Variants in WASL observed in about 807,000 individuals in gnomAD.
The protein encoded by WASL is WASP like actin nucleation promoting factor.
A neutral mutation model predicts 55.5 loss-of-function variants in WASL; 20 were observed. That is an observed-to-expected ratio of 0.36 (90% CI 0.25 to 0.52). The LOEUF (loss-of-function observed/expected upper bound fraction) is 0.52. Among genes scored for constraint, WASL ranks in the 20% least tolerant of loss-of-function variants. The pLI is 0.92. For synonymous variants in WASL, 249 were observed against 217.6 expected, an observed-to-expected ratio of 1.14 and a Z score of -1.27; for missense variants, 504 against 622.5, an observed-to-expected ratio of 0.81 and a Z score of 2.03.
intron 9 of WASL, 127 bp from the exon 10 acceptor site, chr7:123,689,277 C>G (rs957908965): frequency 1.5e-6 from 1 of 673,898 alleles, no homozygotes; most frequent in Admixed American, 2.7e-5. Context: ...AACTGGCAAG[C>G]GCAGGACAAG....
intron 10 of WASL, among the ~76,000 whole-genome samples, chr7:123,687,423 G>A (rs184637013): frequency 3.3e-5 from 5 of 152,044 alleles, no homozygotes; most frequent in East Asian, 1.9e-4. Flanking sequence ...TGCAAGCTCC[G>A]TGATCTCCTC....
At chr7:123,696,888 TC>T in intron 5 of WASL, 141 bp from the exon 6 acceptor site, 1 of 636,558 alleles carries the variant, frequency 1.6e-6, no homozygotes, top group Non-Finnish European at 2.2e-6. Flanking sequence ...TACATTTTTT[TC>T]ATAAAGTGCT....
At chr7:123,743,156 G>T (rs902495940) in intron 1 of WASL, among the ~76,000 whole-genome samples, 1 of 152,162 alleles carries the variant, frequency 6.6e-6, no homozygotes, top group African/African-American at 2.4e-5. Flanking sequence ...GGCCAGCATG[G>T]TGAAACCCTG....
At chr7:123,720,716 T>C (rs2116803925) in intron 1 of WASL, among the ~76,000 whole-genome samples, 1 of 149,158 alleles carries the variant, frequency 6.7e-6, no homozygotes, top group Middle Eastern at 3.5e-3. Context: ...AGTGGCACAA[T>C]CTTGGCTCAC....
At position 123,736,160 on chromosome 7, in the gene WASL, A is replaced by G. The variant is rs1211264373; in HGVS notation, c.117+12458T>C. On this transcript the variant is annotated intron_variant, in intron 1 of 10. Coordinates refer to ENST00000223023, the MANE Select transcript of WASL (RefSeq NM_003941.4). ...CAGAAAGAAAAACCTATCAACTTAT[A>G]ATTTTATACCCAGAGAAAATTTCTT... Among the ~76,000 whole-genome samples, 3 of 152,174 alleles carry G rather than the reference A, an allele frequency of 2.0e-5. No individual in the cohort carries two copies. The East Asian group carries it at 5.8e-4, about 29-fold the overall frequency.
intron 1 of WASL, chr7:123,720,403 T>C (rs556354879): frequency 6.9e-6 from 3 of 433,176 alleles, no homozygotes; most frequent in Non-Finnish European, 1.4e-5. Context: ...GATACACTGT[T>C]ATCTGAATAA....
chr7:123,711,945 G>A (rs970554326), intron 1 of WASL, among the ~76,000 whole-genome samples: 1 of 152,146 alleles, frequency 6.6e-6, no homozygotes, highest in Non-Finnish European at 1.5e-5. Context: ...TGATACTTCA[G>A]TACTGAGTAA....
chr7:123,692,889 A>G, intron 8 of WASL, 22 bp from the exon 9 acceptor site: 11 of 1,347,400 alleles, frequency 8.2e-6, no homozygotes, highest in Non-Finnish European at 1.1e-5. Flanking sequence ...ACAGAAAAAA[A>G]GAAGGCATGC....
chr7:123,738,991 A>G (rs938031839), intron 1 of WASL, among the ~76,000 whole-genome samples: 1 of 152,216 alleles, frequency 6.6e-6, no homozygotes, highest in Admixed American at 6.5e-5. Flanking sequence ...AGGTTGGACA[A>G]GCTTGCTCTA....
intron 1 of WASL, among the ~76,000 whole-genome samples, chr7:123,714,986 G>C (rs192614445): frequency 6.6e-6 from 1 of 152,180 alleles, no homozygotes; most frequent in African/African-American, 2.4e-5. Flanking sequence ...TGTGGAGTAG[G>C]AAATAAGAAA....
rs1370599971 is a variant in WASL, at chr7:123,696,722, A to G, written c.486T>C (p.Val162=). The G allele has an allele frequency of 5.6e-6, 9 of 1,595,478 alleles. No individual in the cohort carries two copies. The highest frequency in any genetic ancestry group is 2.3e-5 in the East Asian group (1 of 43,942). Residue 162 remains valine (V), a synonymous_variant, in exon 6 of 11, where the codon GTT becomes GTC. Transcript: ENST00000223023. ...PNGPNLPMAT[V]DIKNPEITTN... ...TTGTGATTTCTGGATTTTTTATATC[A>G]ACTGTAGCCATGGGTAGATTAGGAC...
chr7:123,744,017 A>C (rs1804390356), intron 1 of WASL, among the ~76,000 whole-genome samples: 1 of 152,176 alleles, frequency 6.6e-6, no homozygotes, highest in Non-Finnish European at 1.5e-5. Flanking sequence ...TTTAACTTTT[A>C]TCTTTCCTTA....
At chr7:123,696,434 T>C in intron 6 of WASL, 145 bp downstream of exon 6, 1 of 541,006 alleles carries the variant, frequency 1.8e-6, no homozygotes, top group East Asian at 4.5e-5. Flanking sequence ...AAAACTCCAA[T>C]AAAGTACATA....
intron 1 of WASL, among the ~76,000 whole-genome samples, chr7:123,724,747 G>A (rs1237437441): frequency 6.6e-6 from 1 of 152,158 alleles, no homozygotes; most frequent in Non-Finnish European, 1.5e-5. Context: ...CTGCTAATCT[G>A]TGGTATTGAA....
Position 123,748,956 on chromosome 7 carries a change from G to C in WASL, c.-222C>G, listed in dbSNP as rs984406518. On this transcript the variant is annotated 5_prime_UTR_variant, in exon 1 of 11. Transcript: ENST00000223023. Reference sequence around the variant, plus strand: ...AAAGGGAAGCTCCCGGCACCCGCCCGGCCAGGCTAGGGCCGGATGGTCGTT... The same window carrying C: ...AAAGGGAAGCTCCCGGCACCCGCCCCGCCAGGCTAGGGCCGGATGGTCGTT... 1 of 567,772 alleles carries C rather than the reference G, an allele frequency of 1.8e-6. No homozygotes were observed. Among genetic ancestry groups the C allele is most frequent in the African/African-American group, 2.0e-5 (1 of 50,976 alleles). 35.2% of individuals were successfully genotyped at this position (567,772 alleles called of 1,614,324 possible).
rs1172086102 is a variant in WASL, at chr7:123,733,305, A to C, written c.117+15313T>G. Among the ~76,000 whole-genome samples, 5 of 152,332 alleles carry C rather than the reference A, an allele frequency of 3.3e-5. No individual in the cohort carries two copies. The South Asian group carries it at 1.0e-3, about 32-fold the overall frequency. On this transcript the variant is annotated intron_variant, in intron 1 of 10. Coordinates refer to ENST00000223023, the MANE Select transcript of WASL (RefSeq NM_003941.4). ...CTGGAAACCAATAAGCCTTTATATC[A>C]AGCAAGGTTGTAGCATACAAGGTTA... is the stretch of plus-strand genomic sequence containing the variant.
At position 123,683,704 on chromosome 7, in the gene WASL, A is replaced by ATG. The variant is rs2116759264; in HGVS notation, c.*813_*814dup. On this transcript the variant is annotated 3_prime_UTR_variant, in exon 11 of 11. Transcript: ENST00000223023. ...ATAATATTACCTCAGTTCATGTAGAATGAAAACTACTCCCTAAATCCCTGA... is the reference window on the plus strand; with the variant it reads ...ATAATATTACCTCAGTTCATGTAGAATGTGAAAACTACTCCCTAAATCCCTGA... The ATG allele has an allele frequency of 6.6e-6, 1 of 152,168 alleles. No homozygotes were observed. Among genetic ancestry groups the ATG allele is most frequent in the Admixed American group, 6.6e-5 (1 of 15,252 alleles). The allele number at this position is 152,168 out of a possible 1,614,324, so 9.4% of individuals were successfully genotyped here. A position where few individuals can be genotyped will look rare whatever the true frequency, so the allele number is the denominator to read the frequency against.
chr7:123,741,105 G>A (rs1370440004), intron 1 of WASL, among the ~76,000 whole-genome samples: 4 of 152,104 alleles, frequency 2.6e-5, no homozygotes, highest in Admixed American at 1.3e-4. Context: ...TGCACCCTGC[G>A]ATGGGATGAT....
At chr7:123,711,627 T>C (rs1803759747) in intron 1 of WASL, among the ~76,000 whole-genome samples, 1 of 152,194 alleles carries the variant, frequency 6.6e-6, no homozygotes, top group Non-Finnish European at 1.5e-5. Flanking sequence ...TTTAATACAG[T>C]ATATTAATGC....
Sources: gnomAD v4.1 joint callset for allele counts (sites outside exome capture counted in the v4.1 genomes callset) on GRCh38, gnomAD v4.1.1 for gene constraint, MANE v1.5 for transcripts, NCBI Gene and HGNC (gene_info 2026-07-23, HGNC 2026-07-21) for gene names.